OPA1: variants seen among roughly 807,000 people sequenced by gnomAD.
OPA1 encodes the protein dynamin-like GTPase OPA1, mitochondrial.
Under a neutral mutation model 152.9 loss-of-function variants are expected in OPA1, and 59 were observed. The ratio of observed to expected loss-of-function variants is 0.39; its 90% CI spans 0.31 to 0.48. The LOEUF (loss-of-function observed/expected upper bound fraction) is 0.48. Among genes scored for constraint, OPA1 ranks in the 20% least tolerant of loss-of-function variants. The probability of loss-of-function intolerance (pLI) is 0.96; values close to 1 mark genes in which losing one functional copy is unlikely to be tolerated. For synonymous variants in OPA1, 400 were observed against 389.9 expected (o/e 1.03, Z -0.31); for missense variants, 1,008 against 1,216.8 (o/e 0.83, Z 2.55).
intron 29 of OPA1, among the ~76,000 whole-genome samples, chr3:193,678,590 T>G (rs1719580325): frequency 1.3e-5 from 2 of 152,226 alleles, no homozygotes; most frequent in African/African-American, 4.8e-5. Flanking sequence ...TTTTTTCATT[T>G]TCTTCATATA....
chr3:193,679,307 AAGAG>A (rs568168866), intron 29 of OPA1, among the ~76,000 whole-genome samples: 44 of 151,582 alleles, frequency 2.9e-4, no homozygotes, highest in South Asian at 1.0e-3. Context: ...AAGAAAGAGA[AAGAG>A]AGGGAGGGAG....
chr3:193,652,577 A>G (rs184467817), intron 21 of OPA1, among the ~76,000 whole-genome samples: 39 of 152,242 alleles, frequency 2.6e-4, no homozygotes, highest in African/African-American at 8.9e-4. Context: ...CTACTTTCTA[A>G]CTCTGAAGGC....
intron 20 of OPA1, 22 bp from the exon 21 acceptor site, chr3:193,648,773 T>TA: frequency 1.4e-6 from 2 of 1,451,064 alleles, no homozygotes; most frequent in Non-Finnish European, 1.9e-6. Flanking sequence ...AAATCTTACT[T>TA]ACTTGTATTT....
intron 23 of OPA1, among the ~76,000 whole-genome samples, chr3:193,657,875 T>G (rs1714233652): frequency 6.6e-6 from 1 of 152,176 alleles, no homozygotes; most frequent in Non-Finnish European, 1.5e-5. Flanking sequence ...ACTAGAGGTG[T>G]TGTTGAATTA....
At chr3:193,619,846 G>A (rs1363860446) in intron 6 of OPA1, among the ~76,000 whole-genome samples, 1 of 151,984 alleles carries the variant, frequency 6.6e-6, no homozygotes, top group Non-Finnish European at 1.5e-5. Flanking sequence ...CTATGAATAG[G>A]TTTTCATCTC....
intron 29 of OPA1, among the ~76,000 whole-genome samples, chr3:193,685,289 G>A (rs187692065): frequency 2.8e-4 from 43 of 150,940 alleles, no homozygotes; most frequent in Admixed American, 7.9e-4. Context: ...ACGACAGAGC[G>A]AGACTCCATC....
chr3:193,654,262 A>G (rs1713242233), intron 21 of OPA1, among the ~76,000 whole-genome samples: 1 of 152,194 alleles, frequency 6.6e-6, no homozygotes, highest in South Asian at 2.1e-4. Context: ...TTGGGAGGCC[A>G]AGGCAAGAGG....
chr3:193,610,449 G>C (rs1018547451), intron 1 of OPA1, among the ~76,000 whole-genome samples: 1 of 151,896 alleles, frequency 6.6e-6, no homozygotes, highest in Non-Finnish European at 1.5e-5. Context: ...TGCCCCTACT[G>C]GGGGGTGCCT....
At chr3:193,638,464 T>C (rs540448714) in intron 11 of OPA1, among the ~76,000 whole-genome samples, 168 of 152,354 alleles carry the variant, frequency 1.1e-3, no homozygotes, top group African/African-American at 3.8e-3. Flanking sequence ...TTTAACCCTT[T>C]TCCTGTTTAG....
rs552949980 is a variant in OPA1, at chr3:193,609,217, T to C, written c.33-5506T>C. On this transcript the variant is annotated intron_variant, in intron 1 of 30. Transcript: ENST00000361510. ...AGCCCATTTACATTTAAGGTTAATA[T>C]TGTTATGTGTGAATTTGATCCTGTC... Among the ~76,000 whole-genome samples the C allele has an allele frequency of 2.0e-5, 3 of 152,344 alleles. No individual in the cohort carries two copies. In the East Asian group the frequency reaches 5.8e-4, roughly 29 times the overall value.
chr3:193,597,690 CAAAAA>C (rs75168011), intron 1 of OPA1, among the ~76,000 whole-genome samples: 2 of 80,304 alleles, frequency 2.5e-5, no homozygotes, highest in Admixed American at 1.3e-4. Context: ...GACTCCGTTT[CAAAAA>C]AAAAAAAAAA....
intron 16 of OPA1, 77 bp downstream of exon 16, chr3:193,644,182 AAACAAC>A (rs985610911): frequency 2.6e-6 from 4 of 1,515,118 alleles, no homozygotes; most frequent in East Asian, 4.6e-5. Flanking sequence ...TTATTTAAAA[AAACAAC>A]AACAACAACA....
intron 29 of OPA1, among the ~76,000 whole-genome samples, chr3:193,689,350 C>G (rs1014664516): frequency 4.6e-5 from 7 of 152,188 alleles, no homozygotes; most frequent in African/African-American, 1.4e-4. Context: ...TTCCTGGTAA[C>G]TTAGTTAAGT....
intron 11 of OPA1, among the ~76,000 whole-genome samples, chr3:193,640,580 A>C (rs141326452): frequency 2.0e-5 from 3 of 152,304 alleles, no homozygotes; most frequent in Admixed American, 2.0e-4. Flanking sequence ...GAAGAGATTA[A>C]AGACTGAGGC....
chr3:193,637,244 A>G lies in OPA1; in HGVS notation c.998A>G (p.Tyr333Cys). ...GAAGTTCTTGATGTTCTCTCTGATT[A>G]TGATGCCAGTTATAATACGCAAGAT... Reference protein sequence around the residue: ...YSEVLDVLSDYDASYNTQDHL... With the variant: ...YSEVLDVLSDCDASYNTQDHL... Residue 333 changes from tyrosine (Y) to cysteine (C), a missense_variant, in exon 10 of 31, where the codon TAT becomes TGT. By Grantham distance (194) the Tyr-to-Cys change is radical. Around this residue, in one of 7 missense-constraint regions of OPA1, gnomAD observed 408 missense variants for 395.1 expected, o/e 1.03. Coordinates refer to ENST00000361510, the MANE Select transcript of OPA1 (RefSeq NM_130837.3). The G allele has an allele frequency of 1.2e-6, 2 of 1,608,826 alleles. No individual in the cohort carries two copies. The highest frequency in any genetic ancestry group is 1.7e-6 in the Non-Finnish European group (2 of 1,176,462).
chr3:193,666,296 T>C lies in OPA1; in HGVS notation c.2779T>C (p.Leu927=), dbSNP rs1428611079. Residue 927 remains leucine (L), a splice_region_variant and synonymous_variant, in exon 28 of 31, where the codon TTG becomes CTG. Coordinates refer to ENST00000361510, the MANE Select transcript of OPA1 (RefSeq NM_130837.3). ...TAATCTTAGTTACTTAATATTTCAGTTGGAATGCAATGATGTGGTCTTGTT... is the reference window on the plus strand; with the variant it reads ...TAATCTTAGTTACTTAATATTTCAGCTGGAATGCAATGATGTGGTCTTGTT... ...YYQRHFVDSE[L]ECNDVVLFWR... 2 of 1,613,448 alleles carry C rather than the reference T, an allele frequency of 1.2e-6. No individual in the cohort carries two copies. Among genetic ancestry groups the C allele is most frequent in the Non-Finnish European group, 1.7e-6 (2 of 1,179,332 alleles).
At position 193,593,324 on chromosome 3, in the gene OPA1, A is replaced by C. The variant is rs534706657; in HGVS notation, c.-54A>C. ...GACCGGGAGCCGGGCTGGGGCTCAC[A>C]CGGGGGCTCCCGCGTGGCCGTCTCG... On this transcript the variant is annotated 5_prime_UTR_variant, in exon 1 of 31. Coordinates refer to ENST00000361510, the MANE Select transcript of OPA1 (RefSeq NM_130837.3). 3.5e-5 allele frequency: 54 copies of C among 1,528,074 alleles called. 1 individual carries two copies. In the South Asian group the frequency reaches 5.7e-4, roughly 16 times the overall value. 94.7% of individuals were successfully genotyped at this position (1,528,074 alleles called of 1,614,324 possible).
chr3:193,596,509 G>A (rs1725620348), intron 1 of OPA1, among the ~76,000 whole-genome samples: 1 of 151,376 alleles, frequency 6.6e-6, no homozygotes, highest in South Asian at 2.1e-4. Context: ...CAAAATGCCA[G>A]GATTACAGGC....
chr3:193,636,854 CT>C (rs11311374), intron 9 of OPA1, among the ~76,000 whole-genome samples: 75,260 of 151,692 alleles, frequency 0.5, 19,042 homozygotes, highest in African/African-American at 0.57. Flanking sequence ...ACCTGACCAC[CT>C]TTTTTTTGCC....
Sources: gnomAD v4.1 joint callset for allele counts (sites outside exome capture counted in the v4.1 genomes callset) on GRCh38, gnomAD v4.1.1 for gene constraint, gnomAD v4.1.1 regional missense constraint, MANE v1.5 for transcripts, NCBI Gene and HGNC (gene_info 2026-07-23, HGNC 2026-07-21) for gene names.